PCDHA3: variants seen among roughly 807,000 people sequenced by gnomAD.
PCDHA3 encodes the protein protocadherin alpha-3.
Under a neutral mutation model 62.2 loss-of-function variants are expected in PCDHA3, and 41 were observed. That is an observed-to-expected ratio of 0.66 (90% CI 0.51 to 0.86). The LOEUF (loss-of-function observed/expected upper bound fraction) is 0.86. PCDHA3 is among the 40% of genes least tolerant of loss of function. The pLI, the probability that PCDHA3 is intolerant of heterozygous loss-of-function variation, is 0.00. For missense variants in PCDHA3, 1,304 were observed against 1,241.2 expected, an observed-to-expected ratio of 1.05 and a Z score of -0.76; for synonymous variants, 640 against 555.4, an observed-to-expected ratio of 1.15 and a Z score of -2.14.
intron 1 of PCDHA3, chr5:140,869,568 G>C (rs1554163237): frequency 6.2e-7 from 1 of 1,614,168 alleles, no homozygotes; most frequent in East Asian, 2.2e-5. Context: ...TTCCACTAGA[G>C]GGAGCTTCTG....
At chr5:140,807,265 A>G in intron 1 of PCDHA3, 1 of 1,614,220 alleles carries the variant, frequency 6.2e-7, no homozygotes. Flanking sequence ...CCTGGGAGGC[A>G]GGGAACGGTC....
chr5:140,990,621 G>A (rs75224471), intron 3 of PCDHA3, among the ~76,000 whole-genome samples: 1,861 of 152,288 alleles, frequency 0.012, 44 homozygotes, highest in African/African-American at 0.043. Context: ...GTAAAGGTCT[G>A]TGGTAAGACT....
chr5:140,833,092 G>A (rs1772292108), intron 1 of PCDHA3, among the ~76,000 whole-genome samples: 1 of 152,166 alleles, frequency 6.6e-6, no homozygotes, highest in African/African-American at 2.4e-5. Flanking sequence ...AGTACTAGAC[G>A]AGTAATTTTG....
rs183812467 is a variant in PCDHA3, at chr5:140,921,187, A to G, written c.2395-57762A>G. Among the ~76,000 whole-genome samples the G allele has an allele frequency of 1.1e-3, 174 of 152,102 alleles. 2 individuals carry two copies. Among genetic ancestry groups the G allele is most frequent in the Non-Finnish European group, 2.1e-4 (14 of 68,012 alleles). ...AACACACATAAAGCACAGTTTTTTC[A>G]CAATAGATTGACAACGATAATTCAC... On this transcript the variant is annotated intron_variant, in intron 1 of 3. Transcript: ENST00000522353.
At position 140,803,519 on chromosome 5, in the gene PCDHA3, T is replaced by C. The variant is rs1763225200; in HGVS notation, c.2322T>C (p.Pro774=). 1 of 1,614,140 alleles carries C rather than the reference T, an allele frequency of 6.2e-7. No individual in the cohort carries two copies. Among genetic ancestry groups the C allele is most frequent in the African/African-American group, 1.3e-5 (1 of 74,948 alleles). The change falls in exon 1 of 4, where the codon CCT becomes CCC. Residue 774 remains proline (P), a synonymous_variant. Coordinates refer to ENST00000522353, the MANE Select transcript of PCDHA3 (RefSeq NM_018906.3). ...LPKTDLMAFS[P]SLPPCPISRD... Reference sequence around the variant, plus strand: ...AGACCGACCTCATGGCTTTTAGCCCTAGCCTTCCTCCTTGTCCAATTAGCC... The same window carrying C: ...AGACCGACCTCATGGCTTTTAGCCCCAGCCTTCCTCCTTGTCCAATTAGCC...
chr5:140,876,699 G>T (rs782209543), intron 1 of PCDHA3: 1 of 1,614,228 alleles, frequency 6.2e-7, no homozygotes. Context: ...CGTTGGTGCT[G>T]GACAGCGCCC....
intron 1 of PCDHA3, chr5:140,857,804 G>T: frequency 6.3e-7 from 1 of 1,597,858 alleles, no homozygotes. Context: ...GTCGGTGGTT[G>T]CGGGTCACGT....
In PCDHA3 at chr5:140,927,579, C is replaced by T. The variant is rs369243383; in HGVS notation, c.2395-51370C>T. The T allele has an allele frequency of 3.2e-4, 517 of 1,614,178 alleles. 2 individuals are homozygous for T. Among genetic ancestry groups the T allele is most frequent in the Non-Finnish European group, 4.1e-4 (483 of 1,180,030 alleles). On this transcript the variant is annotated intron_variant, in intron 1 of 3. Coordinates refer to ENST00000522353, the MANE Select transcript of PCDHA3 (RefSeq NM_018906.3). ...TCATTGTGGTGGACACAAATGACAA[C>T]GCGCCTGTATTTGAGCGCTCCGTAT...
chr5:140,984,971 T>A (rs1437915679), intron 3 of PCDHA3, among the ~76,000 whole-genome samples: 1 of 152,080 alleles, frequency 6.6e-6, no homozygotes, highest in East Asian at 1.9e-4. Flanking sequence ...AGAGTCTCGC[T>A]CTGTCCCCCA....
chr5:140,803,352 A>G lies in PCDHA3; in HGVS notation c.2155A>G (p.Thr719Ala). 6.2e-7 allele frequency: 1 copy of G among 1,614,144 alleles called. No homozygotes were observed. Among genetic ancestry groups the G allele is most frequent in the Non-Finnish European group, 8.5e-7 (1 of 1,180,006 alleles). The change falls in exon 1 of 4, where the codon ACT becomes GCT. Residue 719 changes from threonine (T) to alanine (A), a missense_variant. Thr to Ala is a moderately conservative substitution (Grantham distance 58). Transcript: ENST00000522353. ...SLLVLTLLLYTALRCSAPPTE... is the reference protein window; with the variant it reads ...SLLVLTLLLYAALRCSAPPTE... ...GTTGGTGCTCACACTGCTGCTATAT[A>G]CTGCTCTGCGGTGCTCCGCGCCGCC...
intron 1 of PCDHA3, chr5:140,883,519 C>G: frequency 6.2e-7 from 1 of 1,614,190 alleles, no homozygotes; most frequent in South Asian, 1.1e-5. Context: ...ACCGCGAGAG[C>G]GTATCAGCCT....
chr5:140,931,395 C>T lies in PCDHA3; in HGVS notation c.2395-47554C>T, dbSNP rs141099105. Among the ~76,000 whole-genome samples the T allele has an allele frequency of 5.8e-3, 884 of 151,620 alleles. 4 individuals carry two copies. The highest frequency in any genetic ancestry group is 0.021 in the African/African-American group (851 of 41,384). ...AGACTAGAAAGGAAACATAAGTAAG[C>T]GATAGGAAGGCTGATGAATCTAGAA... On this transcript the variant is annotated intron_variant, in intron 1 of 3. Coordinates refer to ENST00000522353, the MANE Select transcript of PCDHA3 (RefSeq NM_018906.3).
chr5:140,993,459 TTC>T lies in PCDHA3; in HGVS notation c.2542+10899_2542+10900del, dbSNP rs202191067. Among the ~76,000 whole-genome samples the T allele has an allele frequency of 6.6e-3, 550 of 83,072 alleles. 5 individuals carry two copies. The highest frequency in any genetic ancestry group is 0.016 in the African/African-American group (346 of 21,866). The allele number at this position is 83,072 out of a possible 152,430, so 54.5% of individuals were successfully genotyped here. ...ATTCATTCCTGTTCTCCTTCTTTCTTTCTCACACACACACACACACACACACA... is the reference window on the plus strand; with the variant it reads ...ATTCATTCCTGTTCTCCTTCTTTCTTTCACACACACACACACACACACACA... On this transcript the variant is annotated intron_variant, in intron 3 of 3. Transcript: ENST00000522353.
chr5:141,010,525 C>A lies in PCDHA3; in HGVS notation c.*588C>A. On this transcript the variant is annotated 3_prime_UTR_variant, in exon 4 of 4. Coordinates refer to ENST00000522353, the MANE Select transcript of PCDHA3 (RefSeq NM_018906.3). ...CTAAATCTTACAACTCAAGAGGTGG[C>A]AGCCACCCTCTAGGAGACAAAACTA... 1 of 436,454 alleles carries A rather than the reference C, an allele frequency of 2.3e-6. No homozygotes were observed. The highest frequency in any genetic ancestry group is 3.9e-6 in the Non-Finnish European group (1 of 256,874). 27.0% of individuals were successfully genotyped at this position (436,454 alleles called of 1,614,324 possible).
chr5:140,916,723 T>C (rs1264644464), intron 1 of PCDHA3, among the ~76,000 whole-genome samples: 1 of 152,186 alleles, frequency 6.6e-6, no homozygotes, highest in Non-Finnish European at 1.5e-5. Context: ...GGAGTGACTT[T>C]TGTTGCTGCA....
In PCDHA3 at chr5:140,869,747, C is replaced by G. The variant is rs1554163400; in HGVS notation, c.2394+66156C>G. 1.2e-6 allele frequency: 2 copies of G among 1,613,158 alleles called. No individual in the cohort carries two copies. Reference sequence around the variant, plus strand: ...GAACTTAATTTGCTGCTAACAGCTACAGACGGGGGAAAACCAGAGCTTACT... The same window carrying G: ...GAACTTAATTTGCTGCTAACAGCTAGAGACGGGGGAAAACCAGAGCTTACT... On this transcript the variant is annotated intron_variant, in intron 1 of 3. Coordinates refer to ENST00000522353, the MANE Select transcript of PCDHA3 (RefSeq NM_018906.3).
chr5:140,852,042 T>C, intron 1 of PCDHA3: 1 of 921,096 alleles, frequency 1.1e-6, no homozygotes, highest in African/African-American at 1.8e-5. Context: ...GAGTTTTTGT[T>C]ATGTGGTTTA....
In PCDHA3 at chr5:140,966,434, C is replaced by G. The variant is rs889087342; in HGVS notation, c.2395-12515C>G. 9 of 423,984 alleles carry G rather than the reference C, an allele frequency of 2.1e-5. No individual in the cohort carries two copies. In the Admixed American group the frequency reaches 3.9e-4, roughly 19 times the overall value. The allele number at this position is 423,984 out of a possible 1,614,324, so 26.3% of individuals were successfully genotyped here. On this transcript the variant is annotated intron_variant, in intron 1 of 3. Coordinates refer to ENST00000522353, the MANE Select transcript of PCDHA3 (RefSeq NM_018906.3). ...GAGCAGGACTTGCTGAGCCCTCCTA[C>G]CGCTCCCTTTCCCCCTCCCCCTCTG...
chr5:140,871,692 C>A, intron 1 of PCDHA3: 2 of 997,190 alleles, frequency 2.0e-6, no homozygotes, highest in Non-Finnish European at 2.9e-6. Flanking sequence ...AATCTGGCTT[C>A]TTTAACCAAT....
Sources: gnomAD v4.1 joint callset for allele counts (sites outside exome capture counted in the v4.1 genomes callset) on GRCh38, gnomAD v4.1.1 for gene constraint, MANE v1.5 for transcripts, NCBI Gene and HGNC (gene_info 2026-07-23, HGNC 2026-07-21) for gene names.